The following APBA2 variants were observed in gnomAD, a reference collection of about 807,000 sequenced individuals.
APBA2 encodes amyloid-beta A4 precursor protein-binding family A member 2.
In APBA2, 30 loss-of-function variants were observed where a neutral mutation model predicts 75.0. The ratio of observed to expected loss-of-function variants is 0.40; its 90% confidence interval spans 0.30 to 0.54. The LOEUF is 0.54. APBA2 is among the 20% of genes least tolerant of loss of function. The pLI is 0.49. For missense variants in APBA2, 801 were observed against 1,016.1 expected (o/e 0.79, Z 2.88); for synonymous variants, 444 against 409.6 (o/e 1.08, Z -1.01).
At chr15:29,035,703 ACGTG>A (rs1414025643) in intron 3 of APBA2, among the ~76,000 whole-genome samples, 3 of 152,138 alleles carry the variant, frequency 2.0e-5, no homozygotes, top group Non-Finnish European at 4.4e-5. Flanking sequence ...GTTCTCCGTG[ACGTG>A]CGGGCCCTGG....
In APBA2 at chr15:29,114,892, GGTGT is replaced by G. The variant is rs56168100; in HGVS notation, c.2178+882_2178+885del. ...GTGTGTGCAGGGGTGTGTGGCTGTG[GGTGT>G]GTGTGAGCATGGGGTGTCAAGCATG... On this transcript the variant is annotated intron_variant, in intron 14 of 14. Coordinates refer to ENST00000683413, the MANE Select transcript of APBA2 (RefSeq NM_001353788.2). 5.4e-5 allele frequency among the ~76,000 whole-genome samples: 8 copies of G among 148,860 alleles called. No individual in the cohort carries two copies. In the East Asian group the frequency reaches 6.0e-4, roughly 11 times the overall value.
chr15:28,907,217 CAGCCTAATTTCCT>C (rs2152642146), intron 1 of APBA2, among the ~76,000 whole-genome samples: 1 of 152,128 alleles, frequency 6.6e-6, no homozygotes, highest in South Asian at 2.1e-4. Context: ...TTCAGTTTTC[CAGCCTAATTTCCT>C]AGTCAGCCAC....
intron 2 of APBA2, among the ~76,000 whole-genome samples, chr15:28,988,778 C>T (rs534902087): frequency 6.6e-5 from 10 of 152,150 alleles, no homozygotes; most frequent in Non-Finnish European, 1.3e-4. Flanking sequence ...TCTCTGTGAA[C>T]GTGAGCTGGA....
chr15:29,108,179 C>T, intron 12 of APBA2, 91 bp from the exon 13 acceptor site: 1 of 1,590,208 alleles, frequency 6.3e-7, no homozygotes, highest in Non-Finnish European at 8.6e-7. Flanking sequence ...CTCACTGCCC[C>T]CGGCCTCCAC....
intron 4 of APBA2, among the ~76,000 whole-genome samples, chr15:29,061,249 A>G (rs765012390): frequency 1.3e-5 from 2 of 152,198 alleles, no homozygotes; most frequent in Non-Finnish European, 1.5e-5. Flanking sequence ...TGTGACGTCT[A>G]TCAGGAGATA....
At chr15:28,894,199 G>A (rs2032319112) in intron 1 of APBA2, among the ~76,000 whole-genome samples, 1 of 152,206 alleles carries the variant, frequency 6.6e-6, no homozygotes. Context: ...AGAACCGGGG[G>A]CAGGTACCCT....
chr15:29,035,865 G>A (rs1595789321), intron 3 of APBA2, among the ~76,000 whole-genome samples: 1 of 152,304 alleles, frequency 6.6e-6, no homozygotes, highest in African/African-American at 2.4e-5. Flanking sequence ...GGGATGCAAA[G>A]CAGGCCAGAG....
chr15:28,935,803 A>G (rs1272469654), intron 2 of APBA2, among the ~76,000 whole-genome samples: 2 of 152,218 alleles, frequency 1.3e-5, no homozygotes, highest in East Asian at 1.9e-4. Flanking sequence ...GTCCAAGAGA[A>G]GAAGAAAAGG....
intron 2 of APBA2, among the ~76,000 whole-genome samples, chr15:28,941,843 G>A (rs970869937): frequency 7.2e-5 from 11 of 152,302 alleles, no homozygotes; most frequent in East Asian, 5.8e-4. Flanking sequence ...CGCAAGCTCC[G>A]CCTCCCGGGT....
intron 11 of APBA2, among the ~76,000 whole-genome samples, 157 bp from the exon 12 acceptor site, chr15:29,106,450 C>T (rs2044409100): frequency 6.6e-6 from 1 of 151,970 alleles, no homozygotes; most frequent in Non-Finnish European, 1.5e-5. Flanking sequence ...GGCAGGGCTC[C>T]CAGCCCAAGA....
At chr15:29,098,310 C>T (rs1220175838) in intron 8 of APBA2, among the ~76,000 whole-genome samples, 180 bp from the exon 9 acceptor site, 2 of 152,196 alleles carry the variant, frequency 1.3e-5, no homozygotes, top group Admixed American at 6.5e-5. Flanking sequence ...GCCAGTGCTT[C>T]TTATCTTTTA....
At chr15:28,908,297 T>A (rs887882281) in intron 1 of APBA2, among the ~76,000 whole-genome samples, 4 of 151,620 alleles carry the variant, frequency 2.6e-5, no homozygotes, top group African/African-American at 9.7e-5. Flanking sequence ...TTGTTGTTTT[T>A]GTTTGTTTTG....
At chr15:29,024,951 A>C (rs905245490) in intron 3 of APBA2, among the ~76,000 whole-genome samples, 1 of 152,172 alleles carries the variant, frequency 6.6e-6, no homozygotes. Flanking sequence ...TCGAGTATCA[A>C]TGGAGTGGGC....
At chr15:29,091,035 G>A (rs2043543297) in intron 6 of APBA2, among the ~76,000 whole-genome samples, 1 of 152,098 alleles carries the variant, frequency 6.6e-6, no homozygotes, top group Non-Finnish European at 1.5e-5. Flanking sequence ...TGTTCCCTCT[G>A]TGGGGCTGCC....
At chr15:29,114,911 T>C in intron 14 of APBA2, among the ~76,000 whole-genome samples, 1 of 137,726 alleles carries the variant, frequency 7.3e-6, no homozygotes, top group Non-Finnish European at 1.5e-5. Flanking sequence ...GAGCATGGGG[T>C]GTCAAGCATG....
chr15:28,908,315 G>GTTTTTTTTT (rs765084356), intron 1 of APBA2, among the ~76,000 whole-genome samples: 1,504 of 137,512 alleles, frequency 0.011, 131 homozygotes, highest in African/African-American at 0.042. Context: ...TTGTTTTCTT[G>GTTTTTTTTT]TTTTTTTTTT....
intron 1 of APBA2, among the ~76,000 whole-genome samples, chr15:28,897,813 T>G (rs1026934319): frequency 7.2e-5 from 11 of 151,932 alleles, no homozygotes; most frequent in Non-Finnish European, 1.5e-4. Context: ...TGAAATGGAG[T>G]GAAATGGGCA....
chr15:29,080,549 A>G (rs1043583291), intron 6 of APBA2, among the ~76,000 whole-genome samples: 1 of 152,118 alleles, frequency 6.6e-6, no homozygotes, highest in Non-Finnish European at 1.5e-5. Flanking sequence ...CAGACTGGGA[A>G]GGTTAACGCT....
rs1201592573 is a variant in APBA2, at chr15:28,991,611, C to T, written c.-94-4142C>T. On this transcript the variant is annotated intron_variant, in intron 2 of 14. Coordinates refer to ENST00000683413, the MANE Select transcript of APBA2 (RefSeq NM_001353788.2). The surrounding 1 kb of genome is among the most constrained non-coding windows in gnomAD (Gnocchi z 4.7). ...ATGGCGCTGATCAGTCTGGGGGATACCTGCCTTTCAGTATGGGCTGCAGCC... is the reference window on the plus strand; with the variant it reads ...ATGGCGCTGATCAGTCTGGGGGATATCTGCCTTTCAGTATGGGCTGCAGCC... 1.3e-5 allele frequency among the ~76,000 whole-genome samples: 2 copies of T among 152,178 alleles called. No individual in the cohort carries two copies. The highest frequency in any genetic ancestry group is 2.9e-5 in the Non-Finnish European group (2 of 68,018).
Sources: allele counts gnomAD v4.1 joint callset (sites outside exome capture counted in the v4.1 genomes callset), GRCh38; gene constraint gnomAD v4.1.1; non-coding constraint Gnocchi (gnomAD v3.1); transcripts MANE v1.5; gene names NCBI Gene and HGNC (gene_info 2026-07-23, HGNC 2026-07-21).